Variants in LRP1B observed in about 807,000 individuals in gnomAD.
LRP1B encodes low-density lipoprotein receptor-related protein 1B.
A neutral mutation model predicts 556.6 loss-of-function variants in LRP1B; 217 were observed. The ratio of observed to expected loss-of-function variants is 0.39; its 90% confidence interval spans 0.35 to 0.44. LRP1B has a LOEUF of 0.44. Ranked by LOEUF, LRP1B falls within the 20% of genes least tolerant of loss-of-function variation. The pLI, the probability that LRP1B is intolerant of heterozygous loss-of-function variation, is 1.00. For missense variants in LRP1B, 5,053 were observed against 5,620.8 expected (o/e 0.90, Z 3.23); for synonymous variants, 2,047 against 1,865.8 (o/e 1.10, Z -2.50).
At chr2:141,895,445 TTTTGA>T (rs1699424476) in intron 1 of LRP1B, among the ~76,000 whole-genome samples, 1 of 152,212 alleles carries the variant, frequency 6.6e-6, no homozygotes, top group African/African-American at 2.4e-5. Context: ...ACTTACTATC[TTTTGA>T]TTTGGTTTAC....
At chr2:142,088,962 AAG>A (rs1706054142) in intron 1 of LRP1B, among the ~76,000 whole-genome samples, 1 of 127,632 alleles carries the variant, frequency 7.8e-6, no homozygotes, top group South Asian at 2.6e-4. Flanking sequence ...GTGACAGAGC[AAG>A]GCTCCGTCTC....
chr2:140,642,800 C>A (rs1381868127), intron 41 of LRP1B, among the ~76,000 whole-genome samples: 2 of 152,068 alleles, frequency 1.3e-5, no homozygotes, highest in African/African-American at 4.8e-5. Flanking sequence ...GCCGAGATCG[C>A]GCCACTGCCC....
At chr2:140,248,495 A>G (rs1681266459) in intron 86 of LRP1B, among the ~76,000 whole-genome samples, 1 of 151,694 alleles carries the variant, frequency 6.6e-6, no homozygotes, top group Non-Finnish European at 1.5e-5. Flanking sequence ...AACACATTAT[A>G]TAATTTTCTA....
intron 1 of LRP1B, among the ~76,000 whole-genome samples, chr2:142,029,932 C>T (rs1172091962): frequency 6.6e-6 from 1 of 151,588 alleles, no homozygotes; most frequent in Non-Finnish European, 1.5e-5. Flanking sequence ...ATAAATATCT[C>T]ATCATTACTC....
intron 3 of LRP1B, among the ~76,000 whole-genome samples, chr2:141,319,764 T>C (rs1181083626): frequency 1.3e-5 from 2 of 152,224 alleles, no homozygotes; most frequent in Non-Finnish European, 2.9e-5. Flanking sequence ...AGTGCTTTTC[T>C]CGTTTCAATT....
intron 5 of LRP1B, among the ~76,000 whole-genome samples, chr2:141,236,632 T>G (rs1352906361): frequency 6.6e-6 from 1 of 152,202 alleles, no homozygotes; most frequent in Non-Finnish European, 1.5e-5. Context: ...TACTTTTTAG[T>G]TGGTAGAGTA....
intron 45 of LRP1B, among the ~76,000 whole-genome samples, chr2:140,537,095 C>T (rs1029325208): frequency 5.3e-5 from 8 of 150,586 alleles, no homozygotes; most frequent in Non-Finnish European, 1.2e-4. Flanking sequence ...TGTTTGAACC[C>T]GGGAGGCAGA....
intron 2 of LRP1B, among the ~76,000 whole-genome samples, chr2:141,644,475 A>T (rs981838025): frequency 6.6e-6 from 1 of 152,084 alleles, no homozygotes; most frequent in African/African-American, 2.4e-5. Context: ...AGTCTTGGGT[A>T]TGTCTTTATC....
intron 2 of LRP1B, among the ~76,000 whole-genome samples, chr2:141,581,723 T>C (rs1686963325): frequency 6.6e-6 from 1 of 152,352 alleles, no homozygotes; most frequent in East Asian, 1.9e-4. Flanking sequence ...ATCATGTCTT[T>C]ATAATGACAT....
At chr2:141,048,573 G>A (rs1019853044) in intron 11 of LRP1B, among the ~76,000 whole-genome samples, 3 of 152,038 alleles carry the variant, frequency 2.0e-5, no homozygotes, top group African/African-American at 7.2e-5. Flanking sequence ...TGATGACAAT[G>A]TGGACATTGA....
chr2:141,110,037 T>A (rs1343637505), intron 7 of LRP1B, among the ~76,000 whole-genome samples: 1 of 152,022 alleles, frequency 6.6e-6, no homozygotes, highest in African/African-American at 2.4e-5. Context: ...ACTACTTACA[T>A]GAAAATAAAA....
At chr2:141,950,658 T>C (rs1208292976) in intron 1 of LRP1B, among the ~76,000 whole-genome samples, 1 of 152,172 alleles carries the variant, frequency 6.6e-6, no homozygotes, top group East Asian at 1.9e-4. Flanking sequence ...TATGCTTTTT[T>C]TTCTTAGAAA....
At chr2:140,968,274 C>T (rs1215419182) in intron 18 of LRP1B, among the ~76,000 whole-genome samples, 1 of 151,630 alleles carries the variant, frequency 6.6e-6, no homozygotes, top group Non-Finnish European at 1.5e-5. Context: ...TGTATATGTC[C>T]AGGAATTTAT....
chr2:141,707,620 T>C (rs1239593931), intron 2 of LRP1B, among the ~76,000 whole-genome samples: 2 of 152,172 alleles, frequency 1.3e-5, no homozygotes, highest in Admixed American at 1.3e-4. Context: ...AAATACATGT[T>C]CTTTATGTTC....
chr2:140,447,003 G>A (rs547352975), intron 63 of LRP1B, among the ~76,000 whole-genome samples: 85 of 151,794 alleles, frequency 5.6e-4, no homozygotes, highest in Non-Finnish European at 1.1e-3. Context: ...ATGAGCTGAG[G>A]ACTTGAATAG....
In LRP1B at chr2:140,970,875, G is replaced by A. The variant is rs1024207429; in HGVS notation, c.2887+11285C>T. On this transcript the variant is annotated intron_variant, in intron 18 of 90. Transcript: ENST00000389484. ...CCCATCTCACCCTCCCTAGTAGCGG[G>A]GACTACAGGCATATACCACCACACC... Among the ~76,000 whole-genome samples, 5 of 151,520 alleles carry A rather than the reference G, an allele frequency of 3.3e-5. No homozygotes were observed. The East Asian group carries it at 5.9e-4, about 18-fold the overall frequency.
intron 2 of LRP1B, among the ~76,000 whole-genome samples, chr2:141,776,555 G>A (rs1695081371): frequency 6.6e-6 from 1 of 152,162 alleles, no homozygotes; most frequent in Non-Finnish European, 1.5e-5. Flanking sequence ...CAACATGGAA[G>A]GTGATCAGTA....
intron 2 of LRP1B, among the ~76,000 whole-genome samples, chr2:141,536,952 T>A (rs1461833702): frequency 6.6e-6 from 1 of 151,736 alleles, no homozygotes; most frequent in African/African-American, 2.4e-5. Flanking sequence ...ATTCTCCCCA[T>A]ACCTATCCTC....
chr2:140,563,621 CA>C (rs932166130), intron 43 of LRP1B, among the ~76,000 whole-genome samples: 3 of 152,076 alleles, frequency 2.0e-5, no homozygotes, highest in Admixed American at 6.6e-5. Context: ...GTACTTTTAT[CA>C]AAGCAATTTC....
Sources: gnomAD v4.1 joint callset for allele counts (sites outside exome capture counted in the v4.1 genomes callset) on GRCh38, gnomAD v4.1.1 for gene constraint, MANE v1.5 for transcripts, NCBI Gene and HGNC (gene_info 2026-07-23, HGNC 2026-07-21) for gene names.